The following ADGRF1 variants were observed in gnomAD, a reference collection of about 807,000 sequenced individuals.
ADGRF1 encodes the protein G protein-coupled receptor 110.
A neutral mutation model predicts 87.2 loss-of-function variants in ADGRF1; 85 were observed. The observed-to-expected ratio is 0.97, with a 90% confidence interval of 0.82 to 1.17. The LOEUF (loss-of-function observed/expected upper bound fraction) is 1.17, where lower values mean the gene tolerates loss of function less well. Ranked by LOEUF, ADGRF1 falls within the 50% of genes most tolerant of loss-of-function variation. The pLI is 0.00. For synonymous variants in ADGRF1, 430 were observed against 408.8 expected, an observed-to-expected ratio of 1.05 and a Z score of -0.63; for missense variants, 1,169 against 1,077.2, an observed-to-expected ratio of 1.09 and a Z score of -1.19.
Position 46,997,918 on chromosome 6 carries a change from C to T in ADGRF1, c.*2304G>A, listed in dbSNP as rs1350352602. ...TGCCAACATACTCAGGTAAGAGCAA[C>T]ATTTTGGTCATTTTAAATAGTTTGG... On this transcript the variant is annotated 3_prime_UTR_variant, in exon 15 of 15. Transcript: ENST00000371253. 1 of 152,132 alleles carries T rather than the reference C, an allele frequency of 6.6e-6. No individual in the cohort carries two copies. Among genetic ancestry groups the T allele is most frequent in the African/African-American group, 2.4e-5 (1 of 41,426 alleles). The allele number at this position is 152,132 out of a possible 1,614,324, so 9.4% of individuals were successfully genotyped here.
Position 47,007,285 on chromosome 6 carries a change from T to C in ADGRF1, c.2500A>G (p.Ile834Val). The change falls in exon 12 of 15, where the codon ATC (isoleucine) becomes GTC (valine). Residue 834 changes from isoleucine to valine, a missense_variant. Coordinates refer to ENST00000371253, the MANE Select transcript of ADGRF1 (RefSeq NM_153840.4). ...ALLNAFQGFF[I>V]LCFGILLDSK... ...TCCAAGAGTATTCCAAAGCATAAGA[T>C]AAAAAATCCCTTTAAAAAGAAAGGA... The C allele has an allele frequency of 1.3e-6, 2 of 1,538,082 alleles. No homozygotes were observed. The highest frequency in any genetic ancestry group is 1.8e-6 in the Non-Finnish European group (2 of 1,113,244).
Position 47,012,032 on chromosome 6 carries a change from A to C in ADGRF1, c.1091T>G (p.Phe364Cys). 6.2e-7 allele frequency: 1 copy of C among 1,613,950 alleles called. No individual in the cohort carries two copies. The highest frequency in any genetic ancestry group is 8.5e-7 in the Non-Finnish European group (1 of 1,179,878). The change falls in exon 10 of 15, where the codon TTC becomes TGC. Residue 364 changes from phenylalanine to cysteine, a missense_variant. By Grantham distance (205) the Phe-to-Cys change is radical. Transcript: ENST00000371253. ...NISSLSLASH[F>C]RVSNSTMEDV... ...CTCCATTGTTGAATTGGACACCCTG[A>C]AATGGCTGGCCAGTGACAGAGATGA...
chr6:47,035,586 T>C (rs1780565347), intron 1 of ADGRF1, among the ~76,000 whole-genome samples: 1 of 152,228 alleles, frequency 6.6e-6, no homozygotes. Context: ...AAAGGTAACA[T>C]TTAAATTCTA....
intron 5 of ADGRF1, among the ~76,000 whole-genome samples, chr6:47,022,568 C>T (rs1435960198): frequency 6.6e-5 from 10 of 152,196 alleles, no homozygotes; most frequent in Non-Finnish European, 1.0e-4. Flanking sequence ...CTTCTCTAAT[C>T]CTCAGATGCA....
chr6:47,012,733 C>T (rs918265322), intron 9 of ADGRF1: 4 of 985,378 alleles, frequency 4.1e-6, no homozygotes, highest in Non-Finnish European at 4.8e-6. Flanking sequence ...GATTTGACTA[C>T]TGGGCTTGTG....
At chr6:47,032,281 T>C (rs1780453257) in intron 1 of ADGRF1, among the ~76,000 whole-genome samples, 1 of 152,224 alleles carries the variant, frequency 6.6e-6, no homozygotes, top group Non-Finnish European at 1.5e-5. Flanking sequence ...AATCAAACTT[T>C]TTTTCTTTGC....
At chr6:47,026,093 A>G (rs762609264) in intron 3 of ADGRF1, 90 bp from the exon 4 acceptor site, 34 of 1,181,162 alleles carry the variant, frequency 2.9e-5, no homozygotes, top group Middle Eastern at 5.2e-4. Context: ...CATCAAATTT[A>G]GGTCAGGGAC....
rs1405215114 is a variant in ADGRF1, at chr6:47,014,767, C to T, written c.841G>A (p.Gly281Arg). 6.2e-7 allele frequency: 1 copy of T among 1,613,876 alleles called. No homozygotes were observed. The highest frequency in any genetic ancestry group is 1.7e-5 in the Admixed American group (1 of 59,982). ...GACTCACACTTGGCTGTGATGTTTC[C>T]CCTGTAGCCACTGCTGCAGGGCAGG... ...YTLPCSSGYR[G>R]NITAKCESSG... The change falls in exon 9 of 15, where the codon GGA (glycine) becomes AGA (arginine). Residue 281 changes from glycine (G) to arginine (R), a missense_variant. Gly to Arg is a moderately radical substitution (Grantham distance 125). Coordinates refer to ENST00000371253, the MANE Select transcript of ADGRF1 (RefSeq NM_153840.4).
chr6:47,020,514 A>G (rs1037717646), intron 7 of ADGRF1: 9 of 1,519,800 alleles, frequency 5.9e-6, no homozygotes, highest in Non-Finnish European at 7.9e-6. Flanking sequence ...AAAAAAAAAA[A>G]AAATTTAAGG....
At position 47,028,993 on chromosome 6, in the gene ADGRF1, C is replaced by T; in HGVS notation, c.69G>A (p.Gly23=). ...TFTDGHGGFL[G]KNDGIKTKKE... ...GATATGAGACATAGCACCAACTCAC[C>T]CCCAGGAAGCCACCGTGGCCGTCAG... The change falls in exon 2 of 15, where the codon GGG becomes GGA. Residue 23 remains glycine, a splice_region_variant and synonymous_variant. Transcript: ENST00000371253. 1 of 1,613,292 alleles carries T rather than the reference C, an allele frequency of 6.2e-7. No homozygotes were observed. The highest frequency in any genetic ancestry group is 1.1e-5 in the South Asian group (1 of 91,040).
intron 10 of ADGRF1, 74 bp downstream of exon 10, chr6:47,011,933 T>C (rs1779718581): frequency 7.4e-7 from 1 of 1,360,122 alleles, no homozygotes; most frequent in Non-Finnish European, 1.0e-6. Flanking sequence ...TAGTTCCCCA[T>C]ATTTAAGGCT....
chr6:47,006,052 C>A (rs1002535239), intron 12 of ADGRF1, among the ~76,000 whole-genome samples, 176 bp from the exon 13 acceptor site: 9 of 152,228 alleles, frequency 5.9e-5, no homozygotes, highest in Admixed American at 5.9e-4. Context: ...TACCTATAAA[C>A]AAAACTAGAG....
At chr6:47,039,848 G>T (rs1321131041) in intron 1 of ADGRF1, among the ~76,000 whole-genome samples, 2 of 152,128 alleles carry the variant, frequency 1.3e-5, no homozygotes, top group African/African-American at 2.4e-5. Context: ...TGTAATCCCA[G>T]CTACTCAGGA....
At chr6:47,021,468 C>A (rs1780049279) in intron 6 of ADGRF1, among the ~76,000 whole-genome samples, 1 of 152,066 alleles carries the variant, frequency 6.6e-6, no homozygotes, top group East Asian at 1.9e-4. Context: ...TCAAGCAATT[C>A]TCGTGCCTCA....
chr6:47,027,818 G>A, intron 2 of ADGRF1, 57 bp from the exon 3 acceptor site: 1 of 1,006,300 alleles, frequency 9.9e-7, no homozygotes, highest in Non-Finnish European at 1.6e-6. Context: ...TGCTTCATAA[G>A]GCCTTGCTGA....
chr6:47,008,686 G>T (rs540178207), intron 11 of ADGRF1, among the ~76,000 whole-genome samples: 9 of 152,338 alleles, frequency 5.9e-5, no homozygotes, highest in African/African-American at 2.2e-4. Flanking sequence ...TCAGCAGCAA[G>T]CGAGATTATT....
At chr6:47,032,280 T>C (rs554817598) in intron 1 of ADGRF1, among the ~76,000 whole-genome samples, 4 of 152,216 alleles carry the variant, frequency 2.6e-5, no homozygotes, top group Non-Finnish European at 5.9e-5. Context: ...GAATCAAACT[T>C]TTTTTCTTTG....
chr6:47,018,653 T>C, intron 7 of ADGRF1: 1 of 1,254,096 alleles, frequency 8.0e-7, no homozygotes, highest in Non-Finnish European at 1.0e-6. Flanking sequence ...GACTCATGCC[T>C]GTAATCCCAG....
intron 1 of ADGRF1, among the ~76,000 whole-genome samples, chr6:47,033,221 G>A (rs1780485441): frequency 6.6e-6 from 1 of 152,200 alleles, no homozygotes; most frequent in Non-Finnish European, 1.5e-5. Flanking sequence ...CTTGGCCATG[G>A]TGGGACGCCC....
Sources: allele counts gnomAD v4.1 joint callset (sites outside exome capture counted in the v4.1 genomes callset), GRCh38; gene constraint gnomAD v4.1.1; transcripts MANE v1.5; gene names NCBI Gene and HGNC (gene_info 2026-07-23, HGNC 2026-07-21).